PRIM2: variants seen among roughly 807,000 people sequenced by gnomAD.
The protein encoded by PRIM2 is DNA primase large subunit.
In PRIM2, 39 loss-of-function variants were observed where a neutral mutation model predicts 67.3. The observed-to-expected ratio is 0.58, with a 90% CI of 0.45 to 0.76. The LOEUF (loss-of-function observed/expected upper bound fraction) is 0.76, where lower values mean the gene tolerates loss of function less well. PRIM2 is among the 30% of genes least tolerant of loss of function. The probability of loss-of-function intolerance (pLI) is 0.00; values close to 1 mark genes in which losing one functional copy is unlikely to be tolerated. For synonymous variants in PRIM2, 143 were observed against 198.7 expected (o/e 0.72, Z 2.36); for missense variants, 398 against 598.7 (o/e 0.66, Z 3.50).
intron 5 of PRIM2, among the ~76,000 whole-genome samples, chr6:57,352,712 T>G (rs1581819528): frequency 7.0e-6 from 1 of 142,562 alleles, no homozygotes; most frequent in Non-Finnish European, 1.6e-5. Flanking sequence ...CCCAGTTGTA[T>G]CTGGCACCGT....
chr6:57,363,742 T>G (rs1312427233), intron 5 of PRIM2, among the ~76,000 whole-genome samples: 2 of 152,230 alleles, frequency 1.3e-5, no homozygotes, highest in Non-Finnish European at 2.9e-5. Context: ...AGTAGAATTC[T>G]TTTTATTTAT....
At chr6:57,454,438 A>G (rs1362822075) in intron 7 of PRIM2, among the ~76,000 whole-genome samples, 4 of 152,028 alleles carry the variant, frequency 2.6e-5, no homozygotes, top group African/African-American at 9.7e-5. Flanking sequence ...TTGCTTGGTA[A>G]GGTATTAATT....
At chr6:57,423,916 C>T (rs113119894) in intron 7 of PRIM2, among the ~76,000 whole-genome samples, 5 of 152,238 alleles carry the variant, frequency 3.3e-5, no homozygotes, top group African/African-American at 1.2e-4. Flanking sequence ...TTTGAAGCTC[C>T]TTCTTGTGTG....
intron 7 of PRIM2, among the ~76,000 whole-genome samples, chr6:57,502,952 C>G (rs1406937771): frequency 1.3e-5 from 2 of 152,040 alleles, no homozygotes; most frequent in Admixed American, 6.6e-5. Context: ...AAAAGAGAAA[C>G]GCGTATGACT....
chr6:57,285,863 G>A, the PRIM2 span, among the ~76,000 whole-genome samples: 10 of 152,228 alleles, frequency 6.6e-5, no homozygotes, highest in African/African-American at 2.4e-4. Flanking sequence ...AAACCCCATC[G>A]TCTCAGCCCA....
the PRIM2 span, among the ~76,000 whole-genome samples, chr6:57,293,688 G>A: frequency 6.6e-5 from 10 of 152,138 alleles, no homozygotes; most frequent in Non-Finnish European, 1.3e-4. Context: ...CCTTTGCAGC[G>A]ACATGGGTGA....
chr6:57,289,302 A>G, the PRIM2 span, among the ~76,000 whole-genome samples: 3 of 152,234 alleles, frequency 2.0e-5, no homozygotes, highest in African/African-American at 7.2e-5. Context: ...ATATGGGGCT[A>G]TGTGAAAAGA....
the PRIM2 span, among the ~76,000 whole-genome samples, chr6:57,242,424 T>C: frequency 1.3e-5 from 2 of 152,210 alleles, no homozygotes; most frequent in Non-Finnish European, 2.9e-5. Context: ...ATTATTGTAA[T>C]TTAAATTAGG....
At chr6:57,386,572 G>T (rs9370590) in intron 7 of PRIM2, among the ~76,000 whole-genome samples, 2 of 151,372 alleles carry the variant, frequency 1.3e-5, no homozygotes, top group South Asian at 2.1e-4. Flanking sequence ...TCAGGGCCGA[G>T]CCTGGTTGAG....
In PRIM2 at chr6:57,541,405, AT is replaced by A. The variant is rs1220445535; in HGVS notation, c.1020+3789del. Among the ~76,000 whole-genome samples, 107 of 151,370 alleles carry A rather than the reference AT, an allele frequency of 7.1e-4. 2 individuals are homozygous for A. The highest frequency in any genetic ancestry group is 2.9e-3 in the East Asian group (15 of 5,166). On this transcript the variant is annotated intron_variant, in intron 10 of 13. Transcript: ENST00000615550. ...TGCCTGGCCTATTATGACTTTCTTAATTTTTTTTTCTCCAATTTACTTTATT... is the reference window on the plus strand; with the variant it reads ...TGCCTGGCCTATTATGACTTTCTTAATTTTTTTTCTCCAATTTACTTTATT...
At chr6:57,269,778 T>C in the PRIM2 span, among the ~76,000 whole-genome samples, 2 of 152,186 alleles carry the variant, frequency 1.3e-5, no homozygotes, top group Non-Finnish European at 2.9e-5. Flanking sequence ...AACATGTAAG[T>C]CTTTAATCCA....
At chr6:57,490,335 A>G (rs1198299936) in intron 7 of PRIM2, among the ~76,000 whole-genome samples, 1 of 152,146 alleles carries the variant, frequency 6.6e-6, no homozygotes, top group Non-Finnish European at 1.5e-5. Flanking sequence ...AAATTCACCA[A>G]AAGGGACAGT....
intron 8 of PRIM2, among the ~76,000 whole-genome samples, chr6:57,521,654 A>G (rs1774626762): frequency 6.6e-6 from 1 of 152,142 alleles, no homozygotes; most frequent in Non-Finnish European, 1.5e-5. Context: ...AGTTTTGATT[A>G]CTTGTGATGC....
intron 12 of PRIM2, among the ~76,000 whole-genome samples, chr6:57,609,780 G>C (rs1776631314): frequency 6.6e-6 from 1 of 152,156 alleles, no homozygotes; most frequent in Non-Finnish European, 1.5e-5. Flanking sequence ...GCTTTTATTT[G>C]ATGTCTTTAT....
At chr6:57,320,331 A>G (rs1767610904) in intron 2 of PRIM2, 126 bp from the exon 3 acceptor site, 1 of 602,180 alleles carries the variant, frequency 1.7e-6, no homozygotes, top group African/African-American at 1.9e-5. Flanking sequence ...TCGTTACAGG[A>G]AATAAACTGG....
chr6:57,580,885 G>T (rs1462921577), intron 10 of PRIM2, among the ~76,000 whole-genome samples: 2 of 151,824 alleles, frequency 1.3e-5, no homozygotes, highest in Non-Finnish European at 2.9e-5. Flanking sequence ...ATCAAAATAG[G>T]CAATACTTGA....
At chr6:57,459,179 A>G (rs1488807783) in intron 7 of PRIM2, among the ~76,000 whole-genome samples, 1 of 152,202 alleles carries the variant, frequency 6.6e-6, no homozygotes, top group Non-Finnish European at 1.5e-5. Context: ...AATGATGTTA[A>G]TAATGCCTAT....
intron 7 of PRIM2, among the ~76,000 whole-genome samples, chr6:57,416,724 TG>T (rs1292819369): frequency 2.6e-5 from 4 of 152,194 alleles, no homozygotes; most frequent in Non-Finnish European, 4.4e-5. Flanking sequence ...AAGCTCTTGC[TG>T]CTTCACCTTG....
chr6:57,240,932 T>C, the PRIM2 span, among the ~76,000 whole-genome samples: 43 of 151,476 alleles, frequency 2.8e-4, no homozygotes, highest in Non-Finnish European at 5.6e-4. Flanking sequence ...CTACTAAAAA[T>C]AGAAAAATAA....
Sources: allele counts gnomAD v4.1 joint callset (sites outside exome capture counted in the v4.1 genomes callset), GRCh38; gene constraint gnomAD v4.1.1; transcripts MANE v1.5; gene names NCBI Gene and HGNC (gene_info 2026-07-23, HGNC 2026-07-21).